Variants in DTNB observed in about 807,000 individuals in gnomAD.
The protein encoded by DTNB is dystrobrevin beta, also known as DTN-B.
DTNB carries 63 observed loss-of-function variants against 90.7 expected under a neutral mutation model. The observed-to-expected ratio is 0.69, with a 90% CI of 0.57 to 0.86. The LOEUF (loss-of-function observed/expected upper bound fraction) is 0.86. Ranked by LOEUF, DTNB falls within the 40% of genes least tolerant of loss-of-function variation. The pLI is 0.00. For missense variants in DTNB, 744 were observed against 807.1 expected (o/e 0.92, Z 0.95); for synonymous variants, 277 against 286.7 (o/e 0.97, Z 0.34).
intron 10 of DTNB, among the ~76,000 whole-genome samples, chr2:25,480,482 A>G (rs2064716572): frequency 6.6e-6 from 1 of 150,866 alleles, no homozygotes; most frequent in Non-Finnish European, 1.5e-5. Flanking sequence ...TACTTACAAT[A>G]AAGCCTGCAG....
At chr2:25,607,874 A>G (rs1242266870) in intron 4 of DTNB, among the ~76,000 whole-genome samples, 1 of 152,234 alleles carries the variant, frequency 6.6e-6, no homozygotes, top group Non-Finnish European at 1.5e-5. Context: ...CAGATCTTCT[A>G]ATACACCACT....
chr2:25,605,674 C>G (rs1453097315), intron 5 of DTNB, among the ~76,000 whole-genome samples: 2 of 152,082 alleles, frequency 1.3e-5, no homozygotes, highest in African/African-American at 4.8e-5. Context: ...ATGTATTTTT[C>G]TACTACTGTA....
chr2:25,541,975 T>C (rs1204606260), intron 8 of DTNB, among the ~76,000 whole-genome samples: 1 of 152,220 alleles, frequency 6.6e-6, no homozygotes, highest in Non-Finnish European at 1.5e-5. Flanking sequence ...CTTAAACCTT[T>C]TCAACATTTT....
intron 9 of DTNB, chr2:25,497,149 A>G (rs1455365462): frequency 3.3e-5 from 5 of 152,226 alleles, no homozygotes; most frequent in Non-Finnish European, 7.3e-5. Flanking sequence ...TTTGGGAAAG[A>G]GGAGGCTCAA....
intron 8 of DTNB, among the ~76,000 whole-genome samples, chr2:25,541,047 G>GAAAAAAAAAAAAAAAAAAAAAAA (rs1558954564): frequency 7.8e-6 from 1 of 127,796 alleles, no homozygotes; most frequent in Non-Finnish European, 1.7e-5. Context: ...AAAAAAAAAA[G>GAAAAAAAAAAAAAAAAAAAAAAA]AAAACAAAAA....
At chr2:25,614,832 C>G (rs1006786119) in intron 4 of DTNB, among the ~76,000 whole-genome samples, 3 of 152,184 alleles carry the variant, frequency 2.0e-5, no homozygotes, top group Non-Finnish European at 4.4e-5. Flanking sequence ...CACCAGATGC[C>G]TCGGGAGTTA....
At chr2:25,401,183 T>A (rs988151586) in intron 16 of DTNB, among the ~76,000 whole-genome samples, 1 of 152,278 alleles carries the variant, frequency 6.6e-6, no homozygotes, top group African/African-American at 2.4e-5. Flanking sequence ...CATATTGGGA[T>A]CACAGCACAA....
intron 10 of DTNB, among the ~76,000 whole-genome samples, chr2:25,465,911 A>G (rs2061690157): frequency 1.3e-5 from 2 of 152,244 alleles, no homozygotes; most frequent in Non-Finnish European, 2.9e-5. Flanking sequence ...ACATAAAAGC[A>G]GAGACCTATT....
intron 13 of DTNB, among the ~76,000 whole-genome samples, chr2:25,433,485 G>A (rs1343187869): frequency 6.6e-6 from 1 of 151,086 alleles, no homozygotes; most frequent in Non-Finnish European, 1.5e-5. Context: ...GTACATAATG[G>A]TGTGCTGTCT....
chr2:25,589,367 C>CTTTTCT (rs2063082966), intron 6 of DTNB, among the ~76,000 whole-genome samples: 12 of 57,552 alleles, frequency 2.1e-4, no homozygotes, highest in Non-Finnish European at 3.3e-4. Context: ...TTTTTCTTTT[C>CTTTTCT]TTTTTTTTTT....
chr2:25,612,411 C>T (rs192268564), intron 4 of DTNB, among the ~76,000 whole-genome samples: 2 of 151,806 alleles, frequency 1.3e-5, no homozygotes, highest in African/African-American at 4.8e-5. Context: ...AAGAAGACAG[C>T]CTAGAGAGAG....
intron 12 of DTNB, among the ~76,000 whole-genome samples, chr2:25,437,880 A>T (rs570883857): frequency 6.6e-6 from 1 of 152,340 alleles, no homozygotes; most frequent in African/African-American, 2.4e-5. Flanking sequence ...TGGAGCTCAG[A>T]TTACACTGGG....
At chr2:25,491,394 T>C (rs983363351) in intron 9 of DTNB, among the ~76,000 whole-genome samples, 3 of 152,178 alleles carry the variant, frequency 2.0e-5, no homozygotes, top group African/African-American at 4.8e-5. Flanking sequence ...GTAAGAAATC[T>C]GTGATATTTT....
At chr2:25,477,276 T>C (rs2063917681) in intron 10 of DTNB, among the ~76,000 whole-genome samples, 1 of 152,246 alleles carries the variant, frequency 6.6e-6, no homozygotes, top group Non-Finnish European at 1.5e-5. Context: ...AGTCACTTGA[T>C]TACAATATAC....
intron 4 of DTNB, among the ~76,000 whole-genome samples, chr2:25,610,766 G>C (rs2068411735): frequency 6.6e-6 from 1 of 151,678 alleles, no homozygotes; most frequent in South Asian, 2.1e-4. Context: ...CTGGAGTGCA[G>C]TGGTGTGATC....
chr2:25,596,264 G>C, intron 5 of DTNB, 24 bp from the exon 6 acceptor site: 1 of 1,577,096 alleles, frequency 6.3e-7, no homozygotes. Flanking sequence ...ACCAAATAAA[G>C]TCAAGCTATA....
In DTNB at chr2:25,628,159, G is replaced by C; in HGVS notation, c.362+12C>G. 6.2e-7 allele frequency: 1 copy of C among 1,611,426 alleles called. No homozygotes were observed. Among genetic ancestry groups the C allele is most frequent in the Non-Finnish European group, 8.5e-7 (1 of 1,177,698 alleles). On this transcript the variant is annotated intron_variant, in intron 4 of 20. Coordinates refer to ENST00000406818, the MANE Select transcript of DTNB (RefSeq NM_021907.5). ...AAAATGAAGTAAGCGTGTAAGGTAAGGTACTACTAGCCTGTCATATGCAGC... is the reference window on the plus strand; with the variant it reads ...AAAATGAAGTAAGCGTGTAAGGTAACGTACTACTAGCCTGTCATATGCAGC...
At chr2:25,468,897 T>C (rs2062273097) in intron 10 of DTNB, among the ~76,000 whole-genome samples, 1 of 152,168 alleles carries the variant, frequency 6.6e-6, no homozygotes, top group Admixed American at 6.5e-5. Flanking sequence ...GTAGTCACAG[T>C]TGGAATTGTG....
intron 10 of DTNB, among the ~76,000 whole-genome samples, chr2:25,460,931 T>C (rs2060841242): frequency 6.7e-6 from 1 of 149,954 alleles, no homozygotes; most frequent in African/African-American, 2.5e-5. Flanking sequence ...GGAGTCTCAC[T>C]CTGTCACCCA....
Sources: allele counts gnomAD v4.1 joint callset (sites outside exome capture counted in the v4.1 genomes callset), GRCh38; gene constraint gnomAD v4.1.1; transcripts MANE v1.5; gene names NCBI Gene and HGNC (gene_info 2026-07-23, HGNC 2026-07-21).